PLCB1: variants seen among roughly 807,000 people sequenced by gnomAD.
PLCB1 encodes the protein phospholipase C beta 1.
A neutral mutation model predicts 161.8 loss-of-function variants in PLCB1; 46 were observed. That is an observed-to-expected ratio of 0.28 (90% CI 0.22 to 0.36). The LOEUF is 0.36. Ranked by LOEUF, PLCB1 falls within the 10% of genes least tolerant of loss-of-function variation. The pLI is 1.00. For missense variants in PLCB1, 1,016 were observed against 1,472.5 expected, an observed-to-expected ratio of 0.69 and a Z score of 5.07; for synonymous variants, 517 against 503.7, an observed-to-expected ratio of 1.03 and a Z score of -0.35.
At chr20:8,244,266 A>G (rs1213826168) in intron 2 of PLCB1, among the ~76,000 whole-genome samples, 1 of 151,956 alleles carries the variant, frequency 6.6e-6, no homozygotes, top group Non-Finnish European at 1.5e-5. Context: ...ATATGTGTCC[A>G]CTAGAAGATG....
At chr20:8,203,249 G>A (rs1978344674) in intron 2 of PLCB1, among the ~76,000 whole-genome samples, 1 of 152,094 alleles carries the variant, frequency 6.6e-6, no homozygotes, top group South Asian at 2.1e-4. Context: ...ACCGACATAA[G>A]AAAGGGATGG....
rs1303317238 is a variant in PLCB1 at position 8,262,034 on chromosome 20, A to AT, written c.178-109342dup. ...CAGCTGGGGATTATTCCTTCCCTTC[A>AT]TTTTTTGTTTTTATGTGCGTTTTTG... On this transcript the variant is annotated intron_variant, in intron 2 of 31. Transcript: ENST00000338037. Among the ~76,000 whole-genome samples the AT allele has an allele frequency of 3.3e-5, 5 of 151,708 alleles. No homozygotes were observed. In the East Asian group the frequency reaches 9.7e-4, roughly 30 times the overall value.
At chr20:8,595,022 T>G (rs1000223228) in intron 3 of PLCB1, among the ~76,000 whole-genome samples, 2 of 152,224 alleles carry the variant, frequency 1.3e-5, no homozygotes, top group South Asian at 4.1e-4. Flanking sequence ...ATATATAGAC[T>G]ACATAACATA....
intron 4 of PLCB1, among the ~76,000 whole-genome samples, chr20:8,638,852 TA>T (rs1368731166): frequency 4.1e-5 from 6 of 145,090 alleles, no homozygotes; most frequent in African/African-American, 1.6e-4. Context: ...AGGACAAATT[TA>T]AAAAGACTTG....
chr20:8,505,041 T>C (rs528606772), intron 3 of PLCB1, among the ~76,000 whole-genome samples: 3 of 152,264 alleles, frequency 2.0e-5, no homozygotes, highest in Non-Finnish European at 4.4e-5. Flanking sequence ...TTGAAAGTTT[T>C]GGTAGAGATG....
At chr20:8,138,598 C>T (rs1028966775) in intron 1 of PLCB1, among the ~76,000 whole-genome samples, 6 of 152,158 alleles carry the variant, frequency 3.9e-5, no homozygotes, top group Non-Finnish European at 7.4e-5. Context: ...TGTTCTATGT[C>T]TGATCCCCCT....
intron 18 of PLCB1, 157 bp downstream of exon 18, chr20:8,729,331 T>C (rs997331898): frequency 1.8e-5 from 9 of 491,400 alleles, no homozygotes; most frequent in Middle Eastern, 7.4e-4. Flanking sequence ...ATAAAAAAAG[T>C]GAATTTTGAA....
chr20:8,441,699 G>T (rs1483812084), intron 3 of PLCB1, among the ~76,000 whole-genome samples: 1 of 152,116 alleles, frequency 6.6e-6, no homozygotes, highest in Non-Finnish European at 1.5e-5. Flanking sequence ...CTCAGATATT[G>T]ATCACTCTTT....
At chr20:8,304,513 C>CA (rs1324486716) in intron 2 of PLCB1, among the ~76,000 whole-genome samples, 4 of 151,620 alleles carry the variant, frequency 2.6e-5, no homozygotes, top group African/African-American at 9.7e-5. Context: ...CACAATGAAT[C>CA]AAAAACCTTC....
At chr20:8,161,577 G>A (rs933854541) in intron 2 of PLCB1, among the ~76,000 whole-genome samples, 1 of 152,122 alleles carries the variant, frequency 6.6e-6, no homozygotes, top group Non-Finnish European at 1.5e-5. Flanking sequence ...TTGCCTGCAG[G>A]ATTTTTTTCC....
At chr20:8,472,065 C>T (rs573991274) in intron 3 of PLCB1, among the ~76,000 whole-genome samples, 2 of 152,184 alleles carry the variant, frequency 1.3e-5, no homozygotes, top group East Asian at 1.9e-4. Flanking sequence ...ATTCCATATT[C>T]GTAATAAGTG....
chr20:8,536,815 A>G (rs1461231276), intron 3 of PLCB1, among the ~76,000 whole-genome samples: 1 of 152,168 alleles, frequency 6.6e-6, no homozygotes, highest in East Asian at 1.9e-4. Flanking sequence ...AAGGGGATGC[A>G]AGGGTAGACT....
At chr20:8,216,490 A>G (rs537263486) in intron 2 of PLCB1, among the ~76,000 whole-genome samples, 1 of 152,290 alleles carries the variant, frequency 6.6e-6, no homozygotes, top group South Asian at 2.1e-4. Context: ...CACAGTTTAA[A>G]GAGGACTTCT....
intron 2 of PLCB1, among the ~76,000 whole-genome samples, chr20:8,173,833 A>G (rs898537418): frequency 6.6e-6 from 1 of 152,234 alleles, no homozygotes. Flanking sequence ...TAAAACTGAA[A>G]AATACAATGG....
chr20:8,874,781 G>A (rs1039522325), intron 31 of PLCB1, among the ~76,000 whole-genome samples: 1 of 151,912 alleles, frequency 6.6e-6, no homozygotes, highest in Non-Finnish European at 1.5e-5. Flanking sequence ...CTAAATCAAT[G>A]CTATTTTTCC....
intron 31 of PLCB1, among the ~76,000 whole-genome samples, chr20:8,872,161 A>G (rs1987631631): frequency 6.6e-6 from 1 of 152,202 alleles, no homozygotes; most frequent in Non-Finnish European, 1.5e-5. Context: ...TTTGTTCACA[A>G]GATAAAAATT....
At position 8,664,929 on chromosome 20, in the gene PLCB1, A is replaced by G. The variant is rs992134163; in HGVS notation, c.862+6225A>G. ...GGCATGGCTTCGGTCACTCAAGGCCACTTCTAAATTAGAATCACAGTGTCC... is the reference window on the plus strand; with the variant it reads ...GGCATGGCTTCGGTCACTCAAGGCCGCTTCTAAATTAGAATCACAGTGTCC... On this transcript the variant is annotated intron_variant, in intron 9 of 31. Coordinates refer to ENST00000338037, the MANE Select transcript of PLCB1 (RefSeq NM_015192.4). 5.9e-5 allele frequency among the ~76,000 whole-genome samples: 9 copies of G among 152,258 alleles called. No individual in the cohort carries two copies. In the South Asian group the frequency reaches 1.9e-3, roughly 32 times the overall value.
intron 24 of PLCB1, among the ~76,000 whole-genome samples, chr20:8,758,901 A>G (rs1237188193): frequency 6.6e-6 from 1 of 152,246 alleles, no homozygotes; most frequent in Non-Finnish European, 1.5e-5. Context: ...TCACGGGATC[A>G]TGGGGCAATC....
chr20:8,545,851 C>CA (rs145432352), intron 3 of PLCB1, among the ~76,000 whole-genome samples: 2,156 of 152,198 alleles, frequency 0.014, 66 homozygotes, highest in African/African-American at 0.048. Flanking sequence ...ATTTAATAAT[C>CA]AAAACAGGCT....
Sources: gnomAD v4.1 joint callset for allele counts (sites outside exome capture counted in the v4.1 genomes callset) on GRCh38, gnomAD v4.1.1 for gene constraint, MANE v1.5 for transcripts, NCBI Gene and HGNC (gene_info 2026-07-23, HGNC 2026-07-21) for gene names.